Variants in POPDC1 observed in about 807,000 individuals in gnomAD.
POPDC1 encodes popeye domain cAMP effector 1.
chr6:105,100,261 G>A, the POPDC1 span: 2 of 152,132 alleles, frequency 1.3e-5, no homozygotes, highest in Non-Finnish European at 2.9e-5. Context: ...TGTAATCCCA[G>A]CACTCTGGGA....
chr6:105,125,607 A>G, the POPDC1 span: 3 of 1,605,386 alleles, frequency 1.9e-6, no homozygotes, highest in Non-Finnish European at 2.6e-6. Flanking sequence ...TAGATGCTTC[A>G]CCAATGCAGC....
the POPDC1 span, among the ~76,000 whole-genome samples, chr6:105,114,502 C>A: frequency 2.0e-5 from 3 of 152,012 alleles, no homozygotes; most frequent in Non-Finnish European, 4.4e-5. Flanking sequence ...AAATCATTTA[C>A]ATAAAGAATT....
chr6:105,117,536 G>A, the POPDC1 span, among the ~76,000 whole-genome samples: 4 of 152,216 alleles, frequency 2.6e-5, no homozygotes, highest in South Asian at 4.2e-4. Flanking sequence ...AAAGCAGAAA[G>A]GTACTATAAC....
the POPDC1 span, chr6:105,115,958 G>A: frequency 1.0e-4 from 75 of 726,588 alleles, 1 homozygote; most frequent in Middle Eastern, 1.2e-3. Flanking sequence ...CATATTAGGT[G>A]GCCAATAAAC....
the POPDC1 span, among the ~76,000 whole-genome samples, chr6:105,131,597 G>T: frequency 6.6e-6 from 1 of 151,998 alleles, no homozygotes; most frequent in African/African-American, 2.4e-5. Context: ...TAAATGTTTT[G>T]TAGACAGAAG....
the POPDC1 span, chr6:105,124,499 G>T: frequency 2.3e-6 from 3 of 1,277,778 alleles, no homozygotes; most frequent in South Asian, 1.2e-5. Context: ...GATTCTGAAT[G>T]AGATGCAAAC....
the POPDC1 span, among the ~76,000 whole-genome samples, chr6:105,102,486 G>A: frequency 6.6e-6 from 1 of 152,212 alleles, no homozygotes; most frequent in African/African-American, 2.4e-5. Flanking sequence ...CCATGAACGA[G>A]TGGTCATTCC....
the POPDC1 span, among the ~76,000 whole-genome samples, chr6:105,126,338 GGGA>G: frequency 6.6e-6 from 1 of 151,770 alleles, no homozygotes; most frequent in Non-Finnish European, 1.5e-5. Flanking sequence ...AGGCTGAGGT[GGGA>G]GGATTACTTG....
the POPDC1 span, among the ~76,000 whole-genome samples, chr6:105,101,904 G>A: frequency 2.0e-5 from 3 of 152,186 alleles, no homozygotes; most frequent in Admixed American, 6.5e-5. Context: ...TTCACCAAAT[G>A]GTTATCAAGC....
At chr6:105,124,350 C>A in the POPDC1 span, among the ~76,000 whole-genome samples, 1 of 147,056 alleles carries the variant, frequency 6.8e-6, no homozygotes, top group Non-Finnish European at 1.5e-5. Flanking sequence ...CCACTGCACT[C>A]CAGCCTGGGC....
the POPDC1 span, among the ~76,000 whole-genome samples, chr6:105,102,100 C>T: frequency 1.3e-5 from 2 of 152,230 alleles, no homozygotes; most frequent in African/African-American, 4.8e-5. Context: ...TCCACCTGCT[C>T]TGCCCACACC....
At chr6:105,100,935 C>G in the POPDC1 span, 1 of 789,852 alleles carries the variant, frequency 1.3e-6, no homozygotes, top group Admixed American at 3.4e-5. Context: ...TGAAAGAACT[C>G]TTCCATCCTT....
At chr6:105,122,705 A>G in the POPDC1 span, among the ~76,000 whole-genome samples, 3 of 152,236 alleles carry the variant, frequency 2.0e-5, no homozygotes, top group African/African-American at 7.2e-5. Context: ...AGGTCACAGC[A>G]AAGAAGGAGA....
the POPDC1 span, chr6:105,136,222 C>A: frequency 6.6e-6 from 1 of 152,252 alleles, no homozygotes; most frequent in Admixed American, 6.5e-5. Context: ...TCTTTTCGCA[C>A]TTATTCATGC....
chr6:105,120,994 C>T, the POPDC1 span, among the ~76,000 whole-genome samples: 1 of 152,156 alleles, frequency 6.6e-6, no homozygotes, highest in Non-Finnish European at 1.5e-5. Flanking sequence ...AAAATATTTA[C>T]TTAATATTAA....
chr6:105,116,865 T>C, the POPDC1 span: 1 of 1,610,874 alleles, frequency 6.2e-7, no homozygotes, highest in Non-Finnish European at 8.5e-7. Context: ...GCAATAATGG[T>C]GACCTGCCAA....
chr6:105,101,056 C>G, the POPDC1 span: 2 of 1,582,836 alleles, frequency 1.3e-6, no homozygotes, highest in Non-Finnish European at 1.7e-6. Context: ...TTCAAGACAC[C>G]TTCCGTCTTG....
the POPDC1 span, among the ~76,000 whole-genome samples, chr6:105,126,068 T>C: frequency 4.6e-5 from 7 of 151,862 alleles, no homozygotes; most frequent in Admixed American, 1.3e-4. Context: ...CTACTAAAAG[T>C]ACAAGAAATT....
the POPDC1 span, chr6:105,124,515 T>C: frequency 6.9e-7 from 1 of 1,455,418 alleles, no homozygotes; most frequent in Non-Finnish European, 9.6e-7. Context: ...CAAACTAGTT[T>C]CAATCTCCTT....
Sources: allele counts gnomAD v4.1 joint callset (sites outside exome capture counted in the v4.1 genomes callset), GRCh38; gene constraint gnomAD v4.1.1; transcripts MANE v1.5; gene names NCBI Gene and HGNC (gene_info 2026-07-23, HGNC 2026-07-21).